Variants in ARHGAP15 observed in about 807,000 individuals in gnomAD.
ARHGAP15 encodes the protein rho GTPase-activating protein 15.
In ARHGAP15, 51 loss-of-function variants were observed where a neutral mutation model predicts 63.7. That is an observed-to-expected ratio of 0.80 (90% CI 0.64 to 1.01). ARHGAP15 has a LOEUF of 1.01. ARHGAP15 is among the 50% of genes least tolerant of loss of function. ARHGAP15 has a pLI of 0.00. For missense variants in ARHGAP15, 560 were observed against 564.6 expected, an observed-to-expected ratio of 0.99 and a Z score of 0.08; for synonymous variants, 191 against 193.8, an observed-to-expected ratio of 0.99 and a Z score of 0.12.
rs553103991 is a variant in ARHGAP15 at position 143,584,497 on chromosome 2, G to A, written c.1003+28012G>A. 3.3e-5 allele frequency among the ~76,000 whole-genome samples: 5 copies of A among 152,004 alleles called. No homozygotes were observed. The South Asian group carries it at 1.0e-3, about 32-fold the overall frequency. On this transcript the variant is annotated intron_variant, in intron 11 of 13. Coordinates refer to ENST00000295095, the MANE Select transcript of ARHGAP15 (RefSeq NM_018460.4). The stretch of plus-strand genomic sequence containing the variant: ...AAAAATTAGCTGGGCGTGGTGGCAG[G>A]CACCTGTAATCCCAGCTACTAGGGA...
chr2:143,643,861 CAG>C (rs1207354613), intron 12 of ARHGAP15, among the ~76,000 whole-genome samples: 1 of 151,996 alleles, frequency 6.6e-6, no homozygotes. Flanking sequence ...ATGTACTTGA[CAG>C]AAATTGAGAA....
At chr2:143,756,446 C>T (rs1686579644) in intron 13 of ARHGAP15, among the ~76,000 whole-genome samples, 1 of 151,934 alleles carries the variant, frequency 6.6e-6, no homozygotes, top group Non-Finnish European at 1.5e-5. Context: ...TTTTTTATTG[C>T]TTAAAGTACT....
intron 1 of ARHGAP15, among the ~76,000 whole-genome samples, chr2:143,145,397 G>T (rs1335691384): frequency 6.6e-6 from 1 of 151,928 alleles, no homozygotes; most frequent in Non-Finnish European, 1.5e-5. Flanking sequence ...TGGTAACCTG[G>T]TCATTCATTG....
intron 10 of ARHGAP15, among the ~76,000 whole-genome samples, chr2:143,523,663 G>T (rs1363999884): frequency 1.3e-5 from 2 of 152,012 alleles, no homozygotes; most frequent in South Asian, 4.2e-4. Context: ...AATTTTTTTG[G>T]TTTTAAGGGA....
At chr2:143,377,895 T>C (rs1686887056) in intron 6 of ARHGAP15, among the ~76,000 whole-genome samples, 1 of 152,104 alleles carries the variant, frequency 6.6e-6, no homozygotes, top group Non-Finnish European at 1.5e-5. Flanking sequence ...TACATCTCTC[T>C]CTGATTTAAA....
chr2:143,543,882 A>G (rs1009711186), intron 10 of ARHGAP15, among the ~76,000 whole-genome samples: 3 of 152,168 alleles, frequency 2.0e-5, no homozygotes, highest in Admixed American at 6.5e-5. Flanking sequence ...GATGGTTAAC[A>G]GCCCTTATGT....
chr2:143,281,036 T>G (rs1681819785), intron 6 of ARHGAP15, among the ~76,000 whole-genome samples: 1 of 152,142 alleles, frequency 6.6e-6, no homozygotes, highest in Non-Finnish European at 1.5e-5. Context: ...CACTAAGAAC[T>G]TATGCTTAAT....
intron 8 of ARHGAP15, among the ~76,000 whole-genome samples, chr2:143,473,378 T>A (rs1691668619): frequency 1.3e-5 from 2 of 152,192 alleles, no homozygotes; most frequent in Non-Finnish European, 2.9e-5. Context: ...CAGCTAAACT[T>A]TCTTTCTGAT....
At chr2:143,189,937 C>T (rs1187150351) in intron 2 of ARHGAP15, among the ~76,000 whole-genome samples, 1 of 152,012 alleles carries the variant, frequency 6.6e-6, no homozygotes, top group African/African-American at 2.4e-5. Context: ...ATTTTAATTA[C>T]AGTGCTAATA....
chr2:143,746,566 A>C (rs1027408207), intron 13 of ARHGAP15, among the ~76,000 whole-genome samples: 5 of 152,238 alleles, frequency 3.3e-5, no homozygotes, highest in Non-Finnish European at 7.3e-5. Context: ...TCAGCCAAAC[A>C]TAAAACAAAA....
intron 6 of ARHGAP15, among the ~76,000 whole-genome samples, chr2:143,364,203 CAAAA>C (rs371427810): frequency 3.4e-5 from 5 of 148,260 alleles, no homozygotes; most frequent in African/African-American, 7.5e-5. Flanking sequence ...ACAACAACAA[CAAAA>C]AAAAAAAAAA....
chr2:143,444,032 C>T (rs1379989454), intron 8 of ARHGAP15, among the ~76,000 whole-genome samples: 2 of 152,172 alleles, frequency 1.3e-5, no homozygotes, highest in Non-Finnish European at 2.9e-5. Context: ...TGTCCATTGT[C>T]GTGTATCTCA....
intron 13 of ARHGAP15, among the ~76,000 whole-genome samples, chr2:143,737,421 A>G (rs1052793353): frequency 6.6e-6 from 1 of 152,218 alleles, no homozygotes; most frequent in African/African-American, 2.4e-5. Flanking sequence ...AGTCATAACC[A>G]TGTATTGGGC....
intron 6 of ARHGAP15, among the ~76,000 whole-genome samples, chr2:143,391,897 T>C (rs1687551559): frequency 6.6e-6 from 1 of 152,236 alleles, no homozygotes; most frequent in Admixed American, 6.5e-5. Context: ...TTTATCATGT[T>C]GTCATTGGAA....
At chr2:143,627,258 A>AT (rs2105247081) in intron 12 of ARHGAP15, among the ~76,000 whole-genome samples, 1 of 152,272 alleles carries the variant, frequency 6.6e-6, no homozygotes, top group East Asian at 1.9e-4. Context: ...GAATGTCATT[A>AT]TTTTTTAATA....
At chr2:143,563,641 CAG>C (rs771101524) in intron 11 of ARHGAP15, among the ~76,000 whole-genome samples, 33 of 152,158 alleles carry the variant, frequency 2.2e-4, no homozygotes, top group Admixed American at 9.2e-4. Context: ...TTAAATTAGT[CAG>C]AGTTATGTAA....
intron 13 of ARHGAP15, among the ~76,000 whole-genome samples, chr2:143,738,990 G>T (rs1174486713): frequency 6.6e-6 from 1 of 152,194 alleles, no homozygotes; most frequent in Non-Finnish European, 1.5e-5. Flanking sequence ...TCACTGGAAA[G>T]AGAGGCTAGA....
intron 2 of ARHGAP15, among the ~76,000 whole-genome samples, chr2:143,194,689 C>T (rs1691818727): frequency 8.4e-6 from 1 of 119,194 alleles, no homozygotes; most frequent in Non-Finnish European, 1.7e-5. Context: ...ATGTGAATGA[C>T]CCCTCTCTGT....
chr2:143,617,840 T>G (rs1393913482), intron 11 of ARHGAP15, among the ~76,000 whole-genome samples: 1 of 152,222 alleles, frequency 6.6e-6, no homozygotes, highest in Non-Finnish European at 1.5e-5. Context: ...GAGCACCTGA[T>G]GAAGCCCTCT....
Sources: gnomAD v4.1 joint callset for allele counts (sites outside exome capture counted in the v4.1 genomes callset) on GRCh38, gnomAD v4.1.1 for gene constraint, MANE v1.5 for transcripts, NCBI Gene and HGNC (gene_info 2026-07-23, HGNC 2026-07-21) for gene names.